C10orf67: variants seen among roughly 807,000 people sequenced by gnomAD.
C10orf67 encodes the protein chromosome 10 open reading frame 67, also known as uncharacterized protein C10orf67, mitochondrial.
Under a neutral mutation model 35.6 loss-of-function variants are expected in C10orf67, and 60 were observed. That is an observed-to-expected ratio of 1.68 (90% CI 1.37 to 2.09). C10orf67 has a LOEUF of 2.09. Ranked by LOEUF, C10orf67 falls within the 30% of genes most tolerant of loss-of-function variation. The pLI is 0.00. For synonymous variants in C10orf67, 167 were observed against 115.8 expected (o/e 1.44, Z -2.84); for missense variants, 474 against 330.2 (o/e 1.44, Z -3.38).
chr10:23,226,218 A>C (rs1041140071), intron 13 of C10orf67, among the ~76,000 whole-genome samples: 2 of 152,220 alleles, frequency 1.3e-5, no homozygotes, highest in Non-Finnish European at 2.9e-5. Flanking sequence ...ATGTAAAAGA[A>C]CACAAATTAT....
At chr10:23,337,021 GA>G (rs1334285381) in intron 1 of C10orf67, among the ~76,000 whole-genome samples, 1 of 152,036 alleles carries the variant, frequency 6.6e-6, no homozygotes, top group African/African-American at 2.4e-5. Flanking sequence ...CTAGATTGAA[GA>G]AACAACCACT....
chr10:23,211,690 G>A lies in C10orf67; in HGVS notation c.1571-7435C>T, dbSNP rs754849179. On this transcript the variant is annotated intron_variant, in intron 15 of 15. Transcript: ENST00000636213. ...AACTGCAGTTGTTTACAAAGGTAAAGTGTTCTTAAAATAGATAAAATAAGG... is the reference window on the plus strand; with the variant it reads ...AACTGCAGTTGTTTACAAAGGTAAAATGTTCTTAAAATAGATAAAATAAGG... Among the ~76,000 whole-genome samples, 3 of 152,194 alleles carry A rather than the reference G, an allele frequency of 2.0e-5. No homozygotes were observed. The East Asian group carries it at 5.8e-4, about 29-fold the overall frequency.
At chr10:23,320,561 C>T (rs1844906762) in intron 4 of C10orf67, among the ~76,000 whole-genome samples, 180 bp downstream of exon 4, 1 of 152,166 alleles carries the variant, frequency 6.6e-6, no homozygotes, top group African/African-American at 2.4e-5. Context: ...TTCTGGAAAG[C>T]ATTATAATGT....
At chr10:23,222,469 A>G (rs972339957) in intron 15 of C10orf67, among the ~76,000 whole-genome samples, 5 of 152,172 alleles carry the variant, frequency 3.3e-5, no homozygotes, top group Non-Finnish European at 7.4e-5. Context: ...ACACAGGGAC[A>G]TAAAGATGGG....
At chr10:23,218,574 G>C (rs1422078917) in intron 15 of C10orf67, among the ~76,000 whole-genome samples, 1 of 152,118 alleles carries the variant, frequency 6.6e-6, no homozygotes, top group East Asian at 1.9e-4. Flanking sequence ...ATTAGCTCAA[G>C]TCTCAAAGAC....
At chr10:23,213,497 T>C (rs1841363142) in intron 15 of C10orf67, among the ~76,000 whole-genome samples, 1 of 152,132 alleles carries the variant, frequency 6.6e-6, no homozygotes, top group African/African-American at 2.4e-5. Flanking sequence ...ACGGTGGTGA[T>C]ACAAAAGAAA....
rs1844916689 is a variant in C10orf67 at position 23,320,727 on chromosome 10, A to T, written c.546+14T>A. ...GCCTTGCCCACAACTACGGCACCAG[A>T]AACAGAAACTCACCTGGTACATTCC... On this transcript the variant is annotated intron_variant, in intron 4 of 15. Coordinates refer to ENST00000636213, the MANE Select transcript of C10orf67 (RefSeq NM_001371909.1). 2 of 1,576,364 alleles carry T rather than the reference A, an allele frequency of 1.3e-6. No individual in the cohort carries two copies. Among genetic ancestry groups the T allele is most frequent in the Admixed American group, 1.8e-5 (1 of 55,002 alleles).
intron 8 of C10orf67, among the ~76,000 whole-genome samples, chr10:23,272,893 C>A (rs1275788570): frequency 6.6e-6 from 1 of 152,192 alleles, no homozygotes; most frequent in East Asian, 1.9e-4. Flanking sequence ...ATTAACTGTA[C>A]ATGTTTTATG....
intron 15 of C10orf67, among the ~76,000 whole-genome samples, chr10:23,221,118 A>T (rs1180106151): frequency 6.6e-6 from 1 of 152,218 alleles, no homozygotes; most frequent in Non-Finnish European, 1.5e-5. Context: ...AAGAGGTTTA[A>T]TTGACTGACA....
intron 2 of C10orf67, among the ~76,000 whole-genome samples, chr10:23,332,221 G>A (rs1162908938): frequency 6.6e-6 from 1 of 152,206 alleles, no homozygotes; most frequent in Non-Finnish European, 1.5e-5. Flanking sequence ...TGAAATAAAT[G>A]AGGAAACTCT....
rs184973454 is a variant in C10orf67, at chr10:23,317,043, G to A, written c.546+3698C>T. ...ATCCCTTTCCACTCGGGAGCCTGTC[G>A]CTTCCTGCTGCTGTTCATGGTGCCC... On this transcript the variant is annotated intron_variant, in intron 4 of 15. Transcript: ENST00000636213. The A allele has an allele frequency of 4.8e-4, 74 of 152,828 alleles. 1 individual carries two copies. The highest frequency in any genetic ancestry group is 8.6e-4 in the Non-Finnish European group (59 of 68,456). 9.5% of individuals were successfully genotyped at this position (152,828 alleles called of 1,614,324 possible).
In C10orf67 at chr10:23,320,801, CATCTT is replaced by C. The variant is rs1844921073; in HGVS notation, c.481_485del (p.Lys161GlufsTer10). The C allele has an allele frequency of 6.3e-7, 1 of 1,582,860 alleles. No individual in the cohort carries two copies. Among genetic ancestry groups the C allele is most frequent in the African/African-American group, 1.3e-5 (1 of 74,532 alleles). On this transcript the variant is annotated frameshift_variant, in exon 4 of 16. Transcript: ENST00000636213. LOFTEE classifies it high-confidence loss of function. ...CTAACTGCTGATTGAAGGATTTTCT[CATCTT>C]ATCCTCATTCTGCAAACAAAAATAA...
intron 7 of C10orf67, among the ~76,000 whole-genome samples, chr10:23,284,201 C>T (rs1183200785): frequency 6.6e-6 from 1 of 151,582 alleles, no homozygotes; most frequent in African/African-American, 2.4e-5. Context: ...TTCCTGCTTA[C>T]ACCCCCTTCC....
chr10:23,249,087 A>G (rs111342325), intron 12 of C10orf67, among the ~76,000 whole-genome samples: 206 of 134,898 alleles, frequency 1.5e-3, no homozygotes, highest in South Asian at 5.3e-3. Context: ...CCGAGATTGC[A>G]CCACTGCACT....
At chr10:23,301,631 G>A (rs1342167494) in intron 5 of C10orf67, among the ~76,000 whole-genome samples, 1 of 152,160 alleles carries the variant, frequency 6.6e-6, no homozygotes, top group African/African-American at 2.4e-5. Context: ...CGTGTTCTCT[G>A]ATCTGGGGTT....
chr10:23,260,945 A>C (rs546560538), intron 10 of C10orf67, among the ~76,000 whole-genome samples: 2 of 152,240 alleles, frequency 1.3e-5, no homozygotes, highest in Non-Finnish European at 2.9e-5. Flanking sequence ...AACCAGACAG[A>C]AATCTTATAA....
intron 8 of C10orf67, among the ~76,000 whole-genome samples, chr10:23,273,742 T>C (rs1225939964): frequency 6.6e-6 from 1 of 152,208 alleles, no homozygotes; most frequent in Non-Finnish European, 1.5e-5. Flanking sequence ...ACAGTAATTT[T>C]GAAATCCAAC....
At chr10:23,234,865 A>G (rs1219369673) in intron 13 of C10orf67, among the ~76,000 whole-genome samples, 1 of 151,966 alleles carries the variant, frequency 6.6e-6, no homozygotes, top group Non-Finnish European at 1.5e-5. Flanking sequence ...ATACAAAATT[A>G]GCCTGGTGTG....
intron 2 of C10orf67, among the ~76,000 whole-genome samples, chr10:23,325,705 G>T (rs1845169658): frequency 6.7e-6 from 1 of 149,766 alleles, no homozygotes; most frequent in Admixed American, 6.6e-5. Context: ...AGGAAAATGT[G>T]ATTCAGTCTC....
Sources: allele counts gnomAD v4.1 joint callset (sites outside exome capture counted in the v4.1 genomes callset), GRCh38; gene constraint gnomAD v4.1.1; transcripts MANE v1.5; gene names NCBI Gene and HGNC (gene_info 2026-07-23, HGNC 2026-07-21).